Variants in RAVER2 observed in about 807,000 individuals in gnomAD.
The protein encoded by RAVER2 is ribonucleoprotein PTB-binding 2.
RAVER2 carries 46 observed loss-of-function variants against 78.1 expected under a neutral mutation model. The ratio of observed to expected loss-of-function variants is 0.59; its 90% CI spans 0.46 to 0.75. RAVER2 has a LOEUF of 0.75. Among genes scored for constraint, RAVER2 ranks in the 30% least tolerant of loss-of-function variants. The pLI is 0.00. For synonymous variants in RAVER2, 311 were observed against 313.3 expected (o/e 0.99, Z 0.08); for missense variants, 793 against 837.5 (o/e 0.95, Z 0.66).
At chr1:64,820,518 A>G (rs1653859321) in intron 11 of RAVER2, among the ~76,000 whole-genome samples, 1 of 152,160 alleles carries the variant, frequency 6.6e-6, no homozygotes. Context: ...CGAGGTATTA[A>G]GTGCAGTACC....
chr1:64,830,691 AG>A lies in RAVER2; in HGVS notation c.1930-144del, dbSNP rs1305035364. The A allele has an allele frequency of 4.5e-6, 3 of 670,730 alleles. No homozygotes were observed. In the African/African-American group the frequency reaches 5.6e-5, roughly 13 times the overall value. The allele number at this position is 670,730 out of a possible 1,614,324, so 41.5% of individuals were successfully genotyped here. ...GAAATTTAAAAGTCTTATTTAACAA[AG>A]GGGTTTGTGTATTTTTTGATAGTTT... On this transcript the variant is annotated intron_variant, in intron 11 of 11. Transcript: ENST00000294428.
At chr1:64,819,266 T>G (rs1000386784) in intron 11 of RAVER2, among the ~76,000 whole-genome samples, 2 of 151,794 alleles carry the variant, frequency 1.3e-5, no homozygotes, top group Non-Finnish European at 2.9e-5. Flanking sequence ...AATAAAGTAA[T>G]AATGAACAGG....
At chr1:64,793,221 T>C (rs1474357532) in intron 5 of RAVER2, among the ~76,000 whole-genome samples, 1 of 151,952 alleles carries the variant, frequency 6.6e-6, no homozygotes, top group Non-Finnish European at 1.5e-5. Flanking sequence ...AAAAAAAAAA[T>C]TGTAATTCTT....
intron 5 of RAVER2, among the ~76,000 whole-genome samples, chr1:64,795,688 T>C (rs1035706791): frequency 6.6e-6 from 1 of 152,096 alleles, no homozygotes; most frequent in Non-Finnish European, 1.5e-5. Flanking sequence ...AACTCACTTA[T>C]TATTTCTAGT....
At chr1:64,812,712 C>T in intron 9 of RAVER2, 26 bp from the exon 10 acceptor site, 1 of 1,488,480 alleles carries the variant, frequency 6.7e-7, no homozygotes. Flanking sequence ...TCATTAAGTA[C>T]TCCCTCCTTT....
At chr1:64,798,956 C>T (rs1393071969) in intron 5 of RAVER2, among the ~76,000 whole-genome samples, 2 of 152,188 alleles carry the variant, frequency 1.3e-5, no homozygotes, top group Non-Finnish European at 1.5e-5. Context: ...GTCCTCTCTT[C>T]TAGCTATTTC....
rs567910619 is a variant in RAVER2, at chr1:64,745,107, C to T, written c.-66C>T. 0.012 allele frequency: 12,161 copies of T among 1,014,456 alleles called. 86 individuals carry two copies. The highest frequency in any genetic ancestry group is 0.014 in the Non-Finnish European group (11,662 of 849,764). The allele number at this position is 1,014,456 out of a possible 1,614,324, so 62.8% of individuals were successfully genotyped here. ...CGCCTCGCCCTCGCCCGGGCCTCCT[C>T]CCGCTTTCTCTCTCCGCTTCCCCTG... On this transcript the variant is annotated 5_prime_UTR_variant, in exon 1 of 12. Transcript: ENST00000294428. This position sits in a 1 kb window ranked among gnomAD's most constrained non-coding sequence, Gnocchi z 4.3.
intron 5 of RAVER2, among the ~76,000 whole-genome samples, chr1:64,798,843 G>T (rs918138900): frequency 2.6e-5 from 4 of 152,084 alleles, no homozygotes; most frequent in Non-Finnish European, 5.9e-5. Context: ...GGTACAGACT[G>T]ATGGTCCAAT....
intron 1 of RAVER2, among the ~76,000 whole-genome samples, chr1:64,757,492 C>T (rs553258003): frequency 1.3e-5 from 2 of 152,216 alleles, no homozygotes; most frequent in Non-Finnish European, 2.9e-5. Context: ...ATAGTGATAA[C>T]GTGGCTGCCT....
intron 2 of RAVER2, among the ~76,000 whole-genome samples, chr1:64,775,568 CAT>C (rs1652438122): frequency 6.6e-6 from 1 of 152,172 alleles, no homozygotes; most frequent in African/African-American, 2.4e-5. Flanking sequence ...TTGAGTAACA[CAT>C]GTGGCCACAC....
intron 11 of RAVER2, among the ~76,000 whole-genome samples, chr1:64,817,619 T>G (rs1464848449): frequency 1.3e-5 from 2 of 152,048 alleles, no homozygotes; most frequent in Non-Finnish European, 2.9e-5. Flanking sequence ...TGGACGAAGC[T>G]GGAAACCATC....
exon 4 of RAVER2, chr1:64,781,519 C>G (rs771380909): frequency 1.9e-6 from 3 of 1,614,030 alleles, no homozygotes; most frequent in African/African-American, 1.3e-5. Flanking sequence ...TTCTGTGCTC[C>G]TGGAGCGCCA....
chr1:64,818,531 G>A (rs1343112724), intron 11 of RAVER2, among the ~76,000 whole-genome samples: 4 of 152,136 alleles, frequency 2.6e-5, no homozygotes, highest in African/African-American at 4.8e-5. Context: ...GTGAGACTCC[G>A]TCTCAAAAGA....
chr1:64,781,464 G>C (rs755955641), exon 4 of RAVER2: 1 of 1,613,894 alleles, frequency 6.2e-7, no homozygotes, highest in Non-Finnish European at 8.5e-7. Flanking sequence ...GGTCCAGCAG[G>C]CAGCAGACGG....
At chr1:64,775,267 T>TG (rs34865662) in intron 2 of RAVER2, among the ~76,000 whole-genome samples, 1 of 152,214 alleles carries the variant, frequency 6.6e-6, no homozygotes, top group African/African-American at 2.4e-5. Context: ...TATAATGGTA[T>TG]GGGAGGCCTT....
intron 1 of RAVER2, among the ~76,000 whole-genome samples, chr1:64,749,403 G>A (rs952628020): frequency 6.6e-6 from 1 of 152,018 alleles, no homozygotes; most frequent in African/African-American, 2.4e-5. Context: ...TAGAGACAGG[G>A]TTTCACCATG....
rs1027489613 is a variant in RAVER2, at chr1:64,757,651, T to G, written c.250-11005T>G. Among the ~76,000 whole-genome samples, 6 of 152,310 alleles carry G rather than the reference T, an allele frequency of 3.9e-5. No individual in the cohort carries two copies. The South Asian group carries it at 1.2e-3, about 32-fold the overall frequency. ...GAGCTGACTATTACAGTGCTTAGTT[T>G]CTTTTAGGGGGAAAATGCTACCTAG... On this transcript the variant is annotated intron_variant, in intron 1 of 11. Transcript: ENST00000294428.
chr1:64,821,459 C>A (rs1300157123), intron 11 of RAVER2, among the ~76,000 whole-genome samples: 1 of 152,154 alleles, frequency 6.6e-6, no homozygotes, highest in Non-Finnish European at 1.5e-5. Context: ...GTCATGAAAT[C>A]TTTGCCCGTT....
chr1:64,768,790 G>T (rs1280468062), intron 2 of RAVER2, 68 bp downstream of exon 2: 1 of 1,007,812 alleles, frequency 9.9e-7, no homozygotes, highest in Non-Finnish European at 1.5e-6. Context: ...GAACAAAAAA[G>T]CTCAGTGTCT....
Sources: gnomAD v4.1 joint callset for allele counts (sites outside exome capture counted in the v4.1 genomes callset) on GRCh38, gnomAD v4.1.1 for gene constraint, Gnocchi (gnomAD v3.1) non-coding constraint, MANE v1.5 for transcripts, NCBI Gene and HGNC (gene_info 2026-07-23, HGNC 2026-07-21) for gene names.